The following UBR1 variants were observed in gnomAD, a reference collection of about 807,000 sequenced individuals.
The protein encoded by UBR1 is E3 ubiquitin-protein ligase UBR1.
A neutral mutation model predicts 242.1 loss-of-function variants in UBR1; 102 were observed. The ratio of observed to expected loss-of-function variants is 0.42; its 90% CI spans 0.36 to 0.50. The LOEUF (loss-of-function observed/expected upper bound fraction) is 0.50, where lower values mean the gene tolerates loss of function less well. Among genes scored for constraint, UBR1 ranks in the 20% least tolerant of loss-of-function variants. The pLI, the probability that UBR1 is intolerant of heterozygous loss-of-function variation, is 0.01. For missense variants in UBR1, 1,772 were observed against 2,101.8 expected (o/e 0.84, Z 3.07); for synonymous variants, 675 against 684.8 (o/e 0.99, Z 0.22).
chr15:42,954,663 T>C (rs56356401), intron 44 of UBR1, among the ~76,000 whole-genome samples: 2,396 of 152,216 alleles, frequency 0.016, 26 homozygotes, highest in Non-Finnish European at 0.024. Context: ...TGCCTGCACG[T>C]TGAAGTGACT....
At chr15:43,054,985 T>C (rs1047614951) in intron 11 of UBR1, 86 bp from the exon 12 acceptor site, 2 of 1,433,860 alleles carry the variant, frequency 1.4e-6, no homozygotes, top group East Asian at 2.3e-5. Flanking sequence ...TTAGTCAGTA[T>C]GTCATTTTTA....
At chr15:43,029,537 C>T (rs1044331412) in intron 21 of UBR1, among the ~76,000 whole-genome samples, 2 of 152,160 alleles carry the variant, frequency 1.3e-5, no homozygotes, top group South Asian at 4.1e-4. Flanking sequence ...TGTAACTTTC[C>T]TTCCCTCTTT....
chr15:42,977,753 G>T, intron 38 of UBR1, 127 bp downstream of exon 38: 1 of 789,492 alleles, frequency 1.3e-6, no homozygotes, highest in Non-Finnish European at 2.2e-6. Context: ...CAATGGACAG[G>T]AGAGACCAAA....
intron 2 of UBR1, among the ~76,000 whole-genome samples, chr15:43,084,031 G>A (rs1466390308): frequency 2.0e-5 from 3 of 152,016 alleles, no homozygotes; most frequent in Admixed American, 6.6e-5. Flanking sequence ...GGCAATAAGA[G>A]CGAAACTCTG....
intron 46 of UBR1, among the ~76,000 whole-genome samples, chr15:42,945,805 A>G (rs2031723959): frequency 6.6e-6 from 1 of 152,166 alleles, no homozygotes; most frequent in Non-Finnish European, 1.5e-5. Flanking sequence ...TTTTGGCTTC[A>G]TATTGTTATC....
At position 43,003,891 on chromosome 15, in the gene UBR1, T is replaced by C. The variant is rs751554684; in HGVS notation, c.3455A>G (p.Tyr1152Cys). 5 of 1,614,114 alleles carry C rather than the reference T, an allele frequency of 3.1e-6. No individual in the cohort carries two copies. Among genetic ancestry groups the C allele is most frequent in the Admixed American group, 1.7e-5 (1 of 60,016 alleles). The stretch of plus-strand genomic sequence containing the variant: ...ACCACAGCTTCCTGTATAAGTTCCA[T>C]ATGCCAAGTCTGGATCCATGAAAAG... ...DPLFMDPDLA[Y>C]GTYTGSCGHV... Residue 1152 changes from tyrosine to cysteine, a missense_variant, in exon 31 of 47, where the codon TAT becomes TGT. Physicochemically the swap from Tyr to Cys is radical, Grantham distance 194 (BLOSUM62 -2). Transcript: ENST00000290650.
intron 43 of UBR1, among the ~76,000 whole-genome samples, chr15:42,959,425 T>A (rs1477530722): frequency 2.0e-5 from 3 of 152,210 alleles, no homozygotes; most frequent in Non-Finnish European, 4.4e-5. Flanking sequence ...TCATTAACAA[T>A]CTTTTCCTCT....
intron 1 of UBR1, chr15:43,091,936 A>T (rs77286075): frequency 5.2e-6 from 2 of 384,882 alleles, no homozygotes; most frequent in Admixed American, 3.5e-5. Context: ...AAAAAAAAAA[A>T]TTAGCCAGAT....
intron 6 of UBR1, among the ~76,000 whole-genome samples, chr15:43,060,869 C>T (rs555523383): frequency 6.6e-6 from 1 of 151,134 alleles, no homozygotes; most frequent in East Asian, 1.9e-4. Flanking sequence ...TCTTTAGCTG[C>T]TTAGTACATA....
At position 43,054,804 on chromosome 15, in the gene UBR1, G is replaced by A. The variant is rs140270026; in HGVS notation, c.1377C>T (p.Phe459=). 8 of 1,614,094 alleles carry A rather than the reference G, an allele frequency of 5.0e-6. No individual in the cohort carries two copies. In the African/African-American group the frequency reaches 1.1e-4, roughly 22 times the overall value. ...LPEYLDRNNK[F]NFQGYSQDKL... The stretch of plus-strand genomic sequence containing the variant: ...TGTCCTGGCTATAACCCTGGAAGTT[G>A]AATTTATTGTTCCTGTCCAAGTACT... The change falls in exon 12 of 47, where the codon TTC becomes TTT. Residue 459 remains phenylalanine, a synonymous_variant. Transcript: ENST00000290650.
rs755942026 is a variant in UBR1, at chr15:43,070,944, A to G, written c.529-19T>C. ...GTGAATTCTATAAAAAAGCCGAGAAAAACATACTAGTCAAGATTGTATACA... is the reference window on the plus strand; with the variant it reads ...GTGAATTCTATAAAAAAGCCGAGAAGAACATACTAGTCAAGATTGTATACA... On this transcript the variant is annotated intron_variant, in intron 4 of 46. Coordinates refer to ENST00000290650, the MANE Select transcript of UBR1 (RefSeq NM_174916.3). 6.2e-7 allele frequency: 1 copy of G among 1,611,768 alleles called. No homozygotes were observed. The highest frequency in any genetic ancestry group is 8.5e-7 in the Non-Finnish European group (1 of 1,179,876).
chr15:43,099,207 T>C (rs2034197119), intron 1 of UBR1, among the ~76,000 whole-genome samples: 2 of 151,786 alleles, frequency 1.3e-5, no homozygotes, highest in African/African-American at 4.8e-5. Context: ...CATGGTGGTG[T>C]GCACCTGTAA....
chr15:43,026,768 A>C, intron 22 of UBR1, 105 bp from the exon 23 acceptor site: 1 of 940,714 alleles, frequency 1.1e-6, no homozygotes, highest in Admixed American at 2.2e-5. Flanking sequence ...ATACAGAAAA[A>C]AATTATGTCT....
intron 29 of UBR1, among the ~76,000 whole-genome samples, chr15:43,014,146 G>A (rs1330185105): frequency 6.6e-6 from 1 of 152,270 alleles, no homozygotes; most frequent in African/African-American, 2.4e-5. Context: ...GGCCTCCCGA[G>A]GTGCCGGGAT....
intron 3 of UBR1, among the ~76,000 whole-genome samples, chr15:43,076,821 A>T (rs1424926147): frequency 1.9e-5 from 2 of 107,032 alleles, no homozygotes; most frequent in Non-Finnish European, 4.0e-5. Context: ...CCGGGAGGTG[A>T]GGGGCGCCTC....
At position 42,990,014 on chromosome 15, in the gene UBR1, C is replaced by G. The variant is rs1294437192; in HGVS notation, c.3848+16G>C. ...ACAATCATTTACAAAGTTCTCTTAA[C>G]TATTTAGATACTTACGAAGACTCAA... On this transcript the variant is annotated intron_variant, in intron 34 of 46. Transcript: ENST00000290650. 2 of 1,575,898 alleles carry G rather than the reference C, an allele frequency of 1.3e-6. No individual in the cohort carries two copies. Among genetic ancestry groups the G allele is most frequent in the Non-Finnish European group, 1.7e-6 (2 of 1,148,772 alleles).
intron 43 of UBR1, 44 bp downstream of exon 43, chr15:42,960,601 A>C: frequency 6.3e-7 from 1 of 1,596,946 alleles, no homozygotes; most frequent in African/African-American, 1.3e-5. Flanking sequence ...TTTAGGAAAC[A>C]CAACTTGTGG....
intron 42 of UBR1, among the ~76,000 whole-genome samples, chr15:42,961,595 G>T (rs900743953): frequency 6.6e-6 from 1 of 151,242 alleles, no homozygotes; most frequent in African/African-American, 2.4e-5. Context: ...GCTAATTTTT[G>T]TATTTCTTTT....
At chr15:43,077,834 T>A (rs2033926855) in intron 3 of UBR1, among the ~76,000 whole-genome samples, 1 of 152,156 alleles carries the variant, frequency 6.6e-6, no homozygotes, top group Non-Finnish European at 1.5e-5. Context: ...CAAAATATAC[T>A]ACCTCAGGTA....
Sources: gnomAD v4.1 joint callset for allele counts (sites outside exome capture counted in the v4.1 genomes callset) on GRCh38, gnomAD v4.1.1 for gene constraint, MANE v1.5 for transcripts, NCBI Gene and HGNC (gene_info 2026-07-23, HGNC 2026-07-21) for gene names.